The following SEMA3C variants were observed in gnomAD, a reference collection of about 807,000 sequenced individuals.
SEMA3C encodes the protein semaphorin 3C.
In SEMA3C, 47 loss-of-function variants were observed where a neutral mutation model predicts 89.4. That is an observed-to-expected ratio of 0.53 (90% CI 0.42 to 0.67). The LOEUF (loss-of-function observed/expected upper bound fraction) is 0.67, where lower values mean the gene tolerates loss of function less well. Ranked by LOEUF, SEMA3C falls within the 30% of genes least tolerant of loss-of-function variation. The pLI is 0.00. For synonymous variants in SEMA3C, 310 were observed against 320.2 expected, an observed-to-expected ratio of 0.97 and a Z score of 0.34; for missense variants, 839 against 929.1, an observed-to-expected ratio of 0.90 and a Z score of 1.26.
At chr7:80,775,831 C>T (rs1361910659) in intron 12 of SEMA3C, among the ~76,000 whole-genome samples, 1 of 152,024 alleles carries the variant, frequency 6.6e-6, no homozygotes, top group Admixed American at 6.6e-5. Context: ...TTCTGAGGCA[C>T]ATTTGGTTTC....
chr7:80,905,552 G>C (rs905109452), intron 2 of SEMA3C, among the ~76,000 whole-genome samples: 3 of 152,078 alleles, frequency 2.0e-5, no homozygotes, highest in African/African-American at 7.2e-5. Flanking sequence ...TTGCCCCAGA[G>C]GCCGGGAGAC....
intron 2 of SEMA3C, among the ~76,000 whole-genome samples, chr7:80,908,182 C>T (rs1383846659): frequency 2.6e-5 from 4 of 152,036 alleles, no homozygotes; most frequent in Non-Finnish European, 5.9e-5. Context: ...TATATTATTT[C>T]TACTTGACTC....
intron 7 of SEMA3C, among the ~76,000 whole-genome samples, chr7:80,805,413 ATAAC>A (rs1298266259): frequency 2.6e-5 from 4 of 152,118 alleles, no homozygotes; most frequent in African/African-American, 4.8e-5. Flanking sequence ...TATTCATATG[ATAAC>A]TGTAGGATGA....
In SEMA3C at chr7:80,891,525, CA is replaced by C. The variant is rs746854137; in HGVS notation, c.103+25153del. Among the ~76,000 whole-genome samples the C allele has an allele frequency of 3.0e-3, 428 of 144,172 alleles. 7 individuals are homozygous for C. Among genetic ancestry groups the C allele is most frequent in the East Asian group, 0.012 (61 of 4,966 alleles). The allele number at this position is 144,172 out of a possible 152,430, so 94.6% of individuals were successfully genotyped here. On this transcript the variant is annotated intron_variant, in intron 2 of 17. Transcript: ENST00000265361. Reference sequence around the variant, plus strand: ...GGAGGGATAGGAATCAGAATGGTAACAAAAAAAAAAGTAAGGAAAAACAAGA... The same window carrying C: ...GGAGGGATAGGAATCAGAATGGTAACAAAAAAAAAGTAAGGAAAAACAAGA...
At chr7:80,818,156 G>GA in intron 5 of SEMA3C, 143 bp downstream of exon 5, 1 of 783,944 alleles carries the variant, frequency 1.3e-6, no homozygotes, top group South Asian at 2.9e-5. Context: ...TGGCAGACAG[G>GA]AAAAAATGTA....
chr7:80,832,693 T>C (rs974571286), intron 2 of SEMA3C, among the ~76,000 whole-genome samples: 1 of 152,162 alleles, frequency 6.6e-6, no homozygotes, highest in Non-Finnish European at 1.5e-5. Context: ...CAATTGCATC[T>C]ACCAAGAAAG....
intron 4 of SEMA3C, among the ~76,000 whole-genome samples, chr7:80,826,559 C>T (rs1490985921): frequency 6.6e-6 from 1 of 152,054 alleles, no homozygotes; most frequent in African/African-American, 2.4e-5. Context: ...GCAACCAGCT[C>T]CATGCTAGAT....
intron 2 of SEMA3C, among the ~76,000 whole-genome samples, chr7:80,864,556 A>T (rs193235657): frequency 2.0e-5 from 3 of 152,190 alleles, no homozygotes; most frequent in African/African-American, 7.2e-5. Context: ...AAAATAGGAC[A>T]CAATGTAGAA....
chr7:80,794,568 T>G (rs1215182833), intron 11 of SEMA3C, among the ~76,000 whole-genome samples: 1 of 152,154 alleles, frequency 6.6e-6, no homozygotes, highest in Non-Finnish European at 1.5e-5. Flanking sequence ...ACTATGTGGC[T>G]CATCAATTTT....
At position 80,765,360 on chromosome 7, in the gene SEMA3C, T is replaced by C. The variant is rs535709422; in HGVS notation, c.1355-117A>G. On this transcript the variant is annotated intron_variant, in intron 12 of 17. Transcript: ENST00000265361. ...ATAAGTATTTAGTAATCAAAAAACA[T>C]TGTATGTATTAAGCCACTGCCATGT... 9.9e-6 allele frequency: 7 copies of C among 708,138 alleles called. No homozygotes were observed. The Admixed American group carries it at 1.1e-4, about 11-fold the overall frequency. 43.9% of individuals were successfully genotyped at this position (708,138 alleles called of 1,614,324 possible).
At chr7:80,837,985 C>A (rs10487877) in intron 2 of SEMA3C, among the ~76,000 whole-genome samples, 22,560 of 152,062 alleles carry the variant, frequency 0.15, 2,035 homozygotes, top group Non-Finnish European at 0.21. Flanking sequence ...TTTGTTCATT[C>A]ACATTCTACC....
intron 2 of SEMA3C, among the ~76,000 whole-genome samples, chr7:80,876,793 A>G (rs762259318): frequency 6.6e-6 from 1 of 152,236 alleles, no homozygotes; most frequent in African/African-American, 2.4e-5. Flanking sequence ...CAATTTGTCA[A>G]TCTGATTTGT....
intron 12 of SEMA3C, among the ~76,000 whole-genome samples, chr7:80,775,929 T>C (rs939927376): frequency 6.6e-6 from 1 of 152,146 alleles, no homozygotes; most frequent in Non-Finnish European, 1.5e-5. Context: ...AGCATATGTA[T>C]CTTAGGCAAT....
At chr7:80,840,428 A>T (rs1583928986) in intron 2 of SEMA3C, among the ~76,000 whole-genome samples, 1 of 145,480 alleles carries the variant, frequency 6.9e-6, no homozygotes, top group East Asian at 2.3e-4. Context: ...CTGAGGTAGG[A>T]GGATCACTTG....
intron 1 of SEMA3C, chr7:80,918,452 A>C (rs1016883483): frequency 6.6e-6 from 1 of 152,188 alleles, no homozygotes; most frequent in Admixed American, 6.5e-5. Flanking sequence ...AGTGTCTTAA[A>C]TACACCCCCG....
intron 2 of SEMA3C, among the ~76,000 whole-genome samples, chr7:80,832,139 G>C (rs1790021166): frequency 6.6e-6 from 1 of 152,118 alleles, no homozygotes; most frequent in African/African-American, 2.4e-5. Flanking sequence ...GCAAAGCATA[G>C]AGATGACTTG....
At chr7:80,778,854 T>C (rs1418597788) in intron 12 of SEMA3C, among the ~76,000 whole-genome samples, 1 of 152,210 alleles carries the variant, frequency 6.6e-6, no homozygotes, top group Non-Finnish European at 1.5e-5. Context: ...GCCACCACAA[T>C]ATCACATTCT....
upstream of SEMA3C, chr7:80,922,233 G>T (rs1040107209): frequency 2.6e-5 from 33 of 1,285,676 alleles, no homozygotes; most frequent in South Asian, 9.9e-5. Context: ...AATGTCTCAG[G>T]TTTTTCAATA....
chr7:80,875,787 T>G (rs755083452), intron 2 of SEMA3C, among the ~76,000 whole-genome samples: 4 of 151,810 alleles, frequency 2.6e-5, no homozygotes, highest in Non-Finnish European at 5.9e-5. Context: ...AGAGTAGTGA[T>G]GCAGGCAATG....
Sources: gnomAD v4.1 joint callset for allele counts (sites outside exome capture counted in the v4.1 genomes callset) on GRCh38, gnomAD v4.1.1 for gene constraint, MANE v1.5 for transcripts, NCBI Gene and HGNC (gene_info 2026-07-23, HGNC 2026-07-21) for gene names.